The following MMP26 variants were observed in gnomAD, a reference collection of about 807,000 sequenced individuals.
MMP26 encodes the protein matrix metalloproteinase-26.
In MMP26, 33 loss-of-function variants were observed where a neutral mutation model predicts 31.0. The observed-to-expected ratio is 1.06, with a 90% CI of 0.81 to 1.42. The LOEUF is 1.42. Ranked by LOEUF, MMP26 falls within the 40% of genes most tolerant of loss-of-function variation. The pLI is 0.00. For synonymous variants in MMP26, 122 were observed against 114.9 expected (o/e 1.06, Z -0.40); for missense variants, 347 against 316.1 (o/e 1.10, Z -0.74).
chr11:4,935,597 G>A, intron 2 of MMP26, among the ~76,000 whole-genome samples: 1 of 152,008 alleles, frequency 6.6e-6, no homozygotes, highest in Admixed American at 6.6e-5. Flanking sequence ...GCCCTTGCCA[G>A]AACTTCCAAC....
intron 2 of MMP26, among the ~76,000 whole-genome samples, chr11:4,981,317 G>A (rs566537458): frequency 7.9e-5 from 12 of 152,120 alleles, no homozygotes; most frequent in African/African-American, 2.2e-4. Context: ...TGAGAACATC[G>A]TAGAGTGTAT....
chr11:4,720,183 TC>T (rs1847991344), intron 1 of MMP26, among the ~76,000 whole-genome samples: 1 of 152,216 alleles, frequency 6.6e-6, no homozygotes, highest in Non-Finnish European at 1.5e-5. Context: ...TCCCAGCTCT[TC>T]AGGGAAGATG....
At chr11:4,896,698 A>G (rs1448688023) in intron 2 of MMP26, among the ~76,000 whole-genome samples, 2 of 152,178 alleles carry the variant, frequency 1.3e-5, no homozygotes, top group Non-Finnish European at 2.9e-5. Context: ...TTTTTTATGA[A>G]TAAAATATAA....
intron 2 of MMP26, among the ~76,000 whole-genome samples, chr11:4,865,162 T>G (rs537869866): frequency 6.6e-6 from 1 of 152,218 alleles, no homozygotes; most frequent in East Asian, 1.9e-4. Context: ...TTAAATTTCT[T>G]TATTAATAAA....
chr11:4,914,763 T>C, intron 2 of MMP26: 1 of 1,613,836 alleles, frequency 6.2e-7, no homozygotes, highest in Non-Finnish European at 8.5e-7. Context: ...ATCTGTTTGG[T>C]CTTCACACTG....
intron 2 of MMP26, among the ~76,000 whole-genome samples, chr11:4,868,826 G>T (rs1850273640): frequency 6.6e-6 from 1 of 152,150 alleles, no homozygotes; most frequent in Admixed American, 6.5e-5. Context: ...TATATTAGAA[G>T]GCTACAGTAA....
chr11:4,943,609 A>T (rs947079181), intron 2 of MMP26: 3 of 385,742 alleles, frequency 7.8e-6, no homozygotes, highest in African/African-American at 6.3e-5. Context: ...AGTCAGTGAC[A>T]CACCCACACC....
intron 2 of MMP26, among the ~76,000 whole-genome samples, chr11:4,938,869 T>G (rs1205450299): frequency 6.6e-6 from 1 of 152,094 alleles, no homozygotes; most frequent in African/African-American, 2.4e-5. Context: ...TTAGAAAATA[T>G]GTAGTCTTAC....
chr11:4,762,918 A>G (rs1241481550), intron 1 of MMP26, among the ~76,000 whole-genome samples: 1 of 152,206 alleles, frequency 6.6e-6, no homozygotes, highest in Non-Finnish European at 1.5e-5. Context: ...TCAGCAAAAT[A>G]GAGTGGTGGT....
At chr11:4,968,367 G>A (rs1055448089) in intron 2 of MMP26, among the ~76,000 whole-genome samples, 1 of 151,888 alleles carries the variant, frequency 6.6e-6, no homozygotes, top group Admixed American at 6.6e-5. Context: ...TCTACATGGT[G>A]AAAGAACAAA....
chr11:4,908,140 G>A (rs1490897535), intron 2 of MMP26: 1 of 1,614,106 alleles, frequency 6.2e-7, no homozygotes, highest in Non-Finnish European at 8.5e-7. Flanking sequence ...TCATCACCCT[G>A]GCTGCCATGC....
chr11:4,769,322 A>G, intron 2 of MMP26: 1 of 1,613,486 alleles, frequency 6.2e-7, no homozygotes, highest in South Asian at 1.1e-5. Flanking sequence ...TAATCCACAG[A>G]TGCTATTTGC....
intron 2 of MMP26, among the ~76,000 whole-genome samples, chr11:4,815,142 C>T (rs1007951815): frequency 6.6e-6 from 1 of 152,068 alleles, no homozygotes; most frequent in Non-Finnish European, 1.5e-5. Context: ...ACAATTTACA[C>T]GTGAGGGGGT....
chr11:4,744,182 G>T (rs1429747080), intron 1 of MMP26, among the ~76,000 whole-genome samples: 1 of 151,948 alleles, frequency 6.6e-6, no homozygotes, highest in East Asian at 1.9e-4. Context: ...TCTCAACTAG[G>T]TTTCACACTG....
chr11:4,864,722 C>G (rs1221118605), intron 2 of MMP26, among the ~76,000 whole-genome samples: 1 of 151,990 alleles, frequency 6.6e-6, no homozygotes, highest in Non-Finnish European at 1.5e-5. Flanking sequence ...TGATGCAACC[C>G]CCCTGAGTGT....
Position 4,815,762 on chromosome 11 carries a change from C to A in MMP26, c.-145+48421C>A, listed in dbSNP as rs570545370. ...GCTATGTAAAATAATCCCAGGAATACAACAATCCGACATGCCTCAAGAAAT... is the reference window on the plus strand; with the variant it reads ...GCTATGTAAAATAATCCCAGGAATAAAACAATCCGACATGCCTCAAGAAAT... On this transcript the variant is annotated intron_variant, in intron 2 of 7. Coordinates refer to ENST00000380390, the MANE Select transcript of MMP26 (RefSeq NM_021801.5). 2.0e-5 allele frequency among the ~76,000 whole-genome samples: 3 copies of A among 152,204 alleles called. No homozygotes were observed. The East Asian group carries it at 5.8e-4, about 29-fold the overall frequency.
intron 1 of MMP26, among the ~76,000 whole-genome samples, chr11:4,762,612 T>TCA (rs1848581378): frequency 6.6e-6 from 1 of 152,158 alleles, no homozygotes. Flanking sequence ...CTGGCAGCTA[T>TCA]CATCAGGTAG....
At chr11:4,745,206 C>A (rs775285683) in intron 1 of MMP26, among the ~76,000 whole-genome samples, 1 of 152,092 alleles carries the variant, frequency 6.6e-6, no homozygotes, top group Non-Finnish European at 1.5e-5. Context: ...GGTTGTTCCA[C>A]CAAAATAAAT....
At chr11:4,797,512 A>C (rs2133448650) in intron 2 of MMP26, among the ~76,000 whole-genome samples, 1 of 152,182 alleles carries the variant, frequency 6.6e-6, no homozygotes, top group South Asian at 2.1e-4. Flanking sequence ...TGGCAAGAGA[A>C]CTCCTGCTGC....
Sources: allele counts gnomAD v4.1 joint callset (sites outside exome capture counted in the v4.1 genomes callset), GRCh38; gene constraint gnomAD v4.1.1; transcripts MANE v1.5; gene names NCBI Gene and HGNC (gene_info 2026-07-23, HGNC 2026-07-21).